The following CSRP3 variants were observed in gnomAD, a reference collection of about 807,000 sequenced individuals.
The protein encoded by CSRP3 is cysteine and glycine-rich protein 3.
CSRP3 carries 24 observed loss-of-function variants against 24.3 expected under a neutral mutation model. The observed-to-expected ratio is 0.99, with a 90% confidence interval of 0.71 to 1.39. The LOEUF (loss-of-function observed/expected upper bound fraction) is 1.39, where lower values mean the gene tolerates loss of function less well. CSRP3 is among the 40% of genes most tolerant of loss of function. The pLI, the probability that CSRP3 is intolerant of heterozygous loss-of-function variation, is 0.00. For synonymous variants in CSRP3, 105 were observed against 94.0 expected (o/e 1.12, Z -0.68); for missense variants, 240 against 249.0 (o/e 0.96, Z 0.24).
chr11:19,192,350 C>A lies in CSRP3; in HGVS notation c.99G>T (p.Thr33=), dbSNP rs147549410. ...IQCNGRSFHK[T]CFHCMACRKA... ...CACCCAACTCACTGCAGTGGAAACA[C>A]GTCTTGTGGAAACTCCTTCCATTGC... Residue 33 remains threonine, a synonymous_variant, in exon 2 of 6, where the codon ACG becomes ACT. Coordinates refer to ENST00000265968, the MANE Select transcript of CSRP3 (RefSeq NM_003476.5). 6.2e-7 allele frequency: 1 copy of A among 1,613,808 alleles called. No individual in the cohort carries two copies.
intron 2 of CSRP3, among the ~76,000 whole-genome samples, chr11:19,188,793 T>G (rs1046255282): frequency 4.6e-5 from 7 of 152,112 alleles, no homozygotes; most frequent in Admixed American, 3.9e-4. Flanking sequence ...AGCAGACAAT[T>G]GCCATTGAGG....
chr11:19,191,338 T>C (rs79803340), intron 2 of CSRP3, among the ~76,000 whole-genome samples: 2,255 of 152,298 alleles, frequency 0.015, 64 homozygotes, highest in African/African-American at 0.051. Flanking sequence ...TTCTTTTCAA[T>C]TGCATGGATG....
chr11:19,182,886 G>T (rs1240643830), intron 5 of CSRP3, 140 bp from the exon 6 acceptor site: 4 of 718,770 alleles, frequency 5.6e-6, no homozygotes, highest in South Asian at 1.5e-5. Context: ...GCCAGGCACG[G>T]TGGCTCATGC....
intron 1 of CSRP3, among the ~76,000 whole-genome samples, chr11:19,195,073 C>CAGTG (rs1230463611): frequency 6.6e-6 from 1 of 151,852 alleles, no homozygotes; most frequent in African/African-American, 2.4e-5. Flanking sequence ...GGGATAAAGG[C>CAGTG]AGTGAACTGT....
intron 1 of CSRP3, among the ~76,000 whole-genome samples, chr11:19,197,556 T>TTTCTTTCTTTCC (rs1850758475): frequency 7.1e-6 from 1 of 140,518 alleles, no homozygotes; most frequent in African/African-American, 2.8e-5. Context: ...TCTTTCTTTC[T>TTTCTTTCTTTCC]TTCTTTCTTT....
intron 1 of CSRP3, chr11:19,196,905 G>T (rs1199436416): frequency 6.6e-6 from 1 of 152,216 alleles, no homozygotes; most frequent in Non-Finnish European, 1.5e-5. Flanking sequence ...TCCAGATTTG[G>T]ATACTCAGAT....
chr11:19,200,920 T>C (rs1015850511), intron 1 of CSRP3, among the ~76,000 whole-genome samples: 1 of 152,148 alleles, frequency 6.6e-6, no homozygotes, highest in Admixed American at 6.5e-5. Flanking sequence ...TAGGAGATGG[T>C]CCATACATGC....
At chr11:19,192,554 A>C in intron 1 of CSRP3, 78 bp from the exon 2 acceptor site, 1 of 900,224 alleles carries the variant, frequency 1.1e-6, no homozygotes, top group Non-Finnish European at 1.8e-6. Context: ...CAGTGGTCTG[A>C]AGACCAGGAT....
rs1850453110 is a variant in CSRP3, at chr11:19,182,571, C to T, written c.*99G>A. The T allele has an allele frequency of 4.0e-6, 4 of 1,009,616 alleles. No individual in the cohort carries two copies. Among genetic ancestry groups the T allele is most frequent in the East Asian group, 4.7e-5 (2 of 42,174 alleles). 62.5% of individuals were successfully genotyped at this position (1,009,616 alleles called of 1,614,324 possible). ...CTGAGGAGAAACACATAATGTACGA[C>T]TACAAAGGAGAGGCTATTTGGGGAA... is the stretch of plus-strand genomic sequence containing the variant. On this transcript the variant is annotated 3_prime_UTR_variant, in exon 6 of 6. Transcript: ENST00000265968.
chr11:19,183,977 G>A (rs775025942), intron 5 of CSRP3, among the ~76,000 whole-genome samples: 2 of 152,152 alleles, frequency 1.3e-5, no homozygotes, highest in Non-Finnish European at 2.9e-5. Flanking sequence ...GCTATGTAAG[G>A]TGTGACTTTG....
chr11:19,182,424 C>CATTT lies in CSRP3; in HGVS notation c.*242_*245dup, dbSNP rs890115646. ...AGAGCCATACAAGATAGCACTAAAACATTTATTTATTGCCTCTCCCATTCC... is the reference window on the plus strand; with the variant it reads ...AGAGCCATACAAGATAGCACTAAAACATTTATTTATTTATTGCCTCTCCCATTCC... On this transcript the variant is annotated 3_prime_UTR_variant, in exon 6 of 6. Coordinates refer to ENST00000265968, the MANE Select transcript of CSRP3 (RefSeq NM_003476.5). The CATTT allele has an allele frequency of 6.0e-5, 34 of 564,742 alleles. No individual in the cohort carries two copies. Among genetic ancestry groups the CATTT allele is most frequent in the Admixed American group, 5.4e-4 (18 of 33,224 alleles). 35.0% of individuals were successfully genotyped at this position (564,742 alleles called of 1,614,324 possible). A position where few individuals can be genotyped will look rare whatever the true frequency, so the allele number is the denominator to read the frequency against.
At chr11:19,198,294 A>G (rs1415956572) in intron 1 of CSRP3, among the ~76,000 whole-genome samples, 1 of 152,178 alleles carries the variant, frequency 6.6e-6, no homozygotes, top group Non-Finnish European at 1.5e-5. Flanking sequence ...ATAACACTGG[A>G]GAGAGGACAA....
Position 19,182,493 on chromosome 11 carries a change from C to T in CSRP3, c.*177G>A. The T allele has an allele frequency of 1.5e-6, 1 of 659,084 alleles. No individual in the cohort carries two copies. The highest frequency in any genetic ancestry group is 2.8e-6 in the Non-Finnish European group (1 of 363,472). The allele number at this position is 659,084 out of a possible 1,614,324, so 40.8% of individuals were successfully genotyped here. On this transcript the variant is annotated 3_prime_UTR_variant, in exon 6 of 6. Coordinates refer to ENST00000265968, the MANE Select transcript of CSRP3 (RefSeq NM_003476.5). ...AGCATTTGTTATAGATTAAACTTTA[C>T]ATAATTTTCTTCCAAAGGCCTCTTC...
rs149201422 is a variant in CSRP3, at chr11:19,186,251, C to T, written c.379G>A (p.Val127Ile). 3.9e-5 allele frequency: 63 copies of T among 1,614,114 alleles called. 1 individual carries two copies. Among genetic ancestry groups the T allele is most frequent in the African/African-American group, 9.3e-5 (7 of 74,934 alleles). ...CCCATAACCTTCTCAGCAGCATAGA[C>T]TGACTTGCCACATCGAGGGCACTTC... The part of the protein sequence containing the change: ...SEKCPRCGKS[V>I]YAAEKVMGGG... Residue 127 changes from valine (V) to isoleucine (I), a missense_variant, in exon 4 of 6, where the codon GTC becomes ATC. By Grantham distance (29) the Val-to-Ile change is conservative. Transcript: ENST00000265968.
chr11:19,197,534 TC>T (rs1307770212), intron 1 of CSRP3, among the ~76,000 whole-genome samples: 2 of 134,648 alleles, frequency 1.5e-5, no homozygotes, highest in African/African-American at 5.9e-5. Context: ...TTTCTTTCTT[TC>T]TTTCTTTCTT....
chr11:19,197,758 C>T (rs1393875909), intron 1 of CSRP3, among the ~76,000 whole-genome samples: 1 of 151,550 alleles, frequency 6.6e-6, no homozygotes, highest in Non-Finnish European at 1.5e-5. Flanking sequence ...TACTAGATGC[C>T]TGATTTCCTG....
At chr11:19,198,624 C>G (rs979134314) in intron 1 of CSRP3, among the ~76,000 whole-genome samples, 9 of 152,190 alleles carry the variant, frequency 5.9e-5, no homozygotes, top group Non-Finnish European at 5.9e-5. Flanking sequence ...TGATTGAAAC[C>G]TCACTTTGCA....
At chr11:19,187,997 G>A in intron 3 of CSRP3, 139 bp downstream of exon 3, 1 of 1,010,276 alleles carries the variant, frequency 9.9e-7, no homozygotes, top group Non-Finnish European at 1.6e-6. Flanking sequence ...AACTTGGTCA[G>A]ACTGAGTATT....
chr11:19,185,385 G>A (rs7107467), intron 4 of CSRP3, among the ~76,000 whole-genome samples: 2,012 of 152,300 alleles, frequency 0.013, 47 homozygotes, highest in African/African-American at 0.047. Flanking sequence ...TTTATGTTGA[G>A]TATAAAGTTA....
Sources: gnomAD v4.1 joint callset for allele counts (sites outside exome capture counted in the v4.1 genomes callset) on GRCh38, gnomAD v4.1.1 for gene constraint, MANE v1.5 for transcripts, NCBI Gene and HGNC (gene_info 2026-07-23, HGNC 2026-07-21) for gene names.